Variants in STXBP5L observed in about 807,000 individuals in gnomAD.
STXBP5L encodes syntaxin-binding protein 5-like.
Under a neutral mutation model 144.5 loss-of-function variants are expected in STXBP5L, and 65 were observed. The ratio of observed to expected loss-of-function variants is 0.45; its 90% CI spans 0.37 to 0.55. STXBP5L has a LOEUF of 0.55. STXBP5L is among the 20% of genes least tolerant of loss of function. The probability of loss-of-function intolerance (pLI) is 0.00; values close to 1 mark genes in which losing one functional copy is unlikely to be tolerated. For missense variants in STXBP5L, 1,298 were observed against 1,405.5 expected (o/e 0.92, Z 1.22); for synonymous variants, 505 against 469.6 (o/e 1.08, Z -0.97).
At chr3:121,321,972 C>G (rs746928637) in intron 20 of STXBP5L, among the ~76,000 whole-genome samples, 2 of 152,136 alleles carry the variant, frequency 1.3e-5, no homozygotes, top group African/African-American at 2.4e-5. Context: ...GCATAGTACC[C>G]TACAGTTAGT....
At chr3:120,992,915 G>A (rs1005909032) in intron 3 of STXBP5L, among the ~76,000 whole-genome samples, 18 of 151,888 alleles carry the variant, frequency 1.2e-4, no homozygotes, top group African/African-American at 4.1e-4. Flanking sequence ...TTACACTGCC[G>A]CCACCCGTGT....
At chr3:121,258,813 C>A (rs2050292556) in intron 17 of STXBP5L, among the ~76,000 whole-genome samples, 1 of 151,772 alleles carries the variant, frequency 6.6e-6, no homozygotes, top group African/African-American at 2.4e-5. Flanking sequence ...ATGATAAAGG[C>A]CAGTTGAAGT....
At position 120,960,442 on chromosome 3, in the gene STXBP5L, A is replaced by G. The variant is rs148748912; in HGVS notation, c.287+5405A>G. On this transcript the variant is annotated intron_variant, in intron 3 of 26. Coordinates refer to ENST00000471454, the MANE Select transcript of STXBP5L (RefSeq NM_001308330.2). ...CGAAAGGAGTATAAATCATGCTGGT[A>G]TAAAAACACATGCACACGTATGTTT... is the stretch of plus-strand genomic sequence containing the variant. Among the ~76,000 whole-genome samples the G allele has an allele frequency of 6.0e-3, 916 of 152,334 alleles. 4 individuals carry two copies. The highest frequency in any genetic ancestry group is 0.024 in the Middle Eastern group (7 of 294).
At chr3:121,056,662 G>A (rs967139238) in intron 5 of STXBP5L, among the ~76,000 whole-genome samples, 2 of 152,114 alleles carry the variant, frequency 1.3e-5, no homozygotes, top group Non-Finnish European at 2.9e-5. Context: ...AGGTACAACA[G>A]TGTATGCAAT....
chr3:121,022,697 CAAAATCCAGCACCGCTTTATGATTA>C (rs1417358559), intron 3 of STXBP5L, among the ~76,000 whole-genome samples: 8 of 152,046 alleles, frequency 5.3e-5, no homozygotes, highest in African/African-American at 1.9e-4. Context: ...AGGCATTTGA[CAAAATCCAGCACCGCTTTATGATTA>C]AAACCCTCAG....
chr3:121,094,788 G>A (rs189778934), intron 5 of STXBP5L, among the ~76,000 whole-genome samples: 2 of 151,780 alleles, frequency 1.3e-5, no homozygotes, highest in Non-Finnish European at 2.9e-5. Context: ...AGTTAATATT[G>A]TTATGTGTGA....
At chr3:121,110,522 T>C (rs2043931984) in intron 5 of STXBP5L, among the ~76,000 whole-genome samples, 1 of 152,162 alleles carries the variant, frequency 6.6e-6, no homozygotes, top group African/African-American at 2.4e-5. Context: ...CTGGGTTGAG[T>C]ATTCTTTGCT....
At chr3:121,070,808 G>A (rs1438918132) in intron 5 of STXBP5L, among the ~76,000 whole-genome samples, 3 of 152,170 alleles carry the variant, frequency 2.0e-5, no homozygotes, top group African/African-American at 4.8e-5. Flanking sequence ...GGCCTTTTAT[G>A]CGAGTACGGG....
chr3:121,041,880 A>G (rs1423775510), intron 4 of STXBP5L, 99 bp downstream of exon 4: 4 of 743,566 alleles, frequency 5.4e-6, no homozygotes, highest in African/African-American at 3.5e-5. Context: ...AAATGCTTAA[A>G]TATATATGCA....
chr3:121,370,832 T>G (rs961388683), intron 20 of STXBP5L, among the ~76,000 whole-genome samples: 2 of 152,342 alleles, frequency 1.3e-5, no homozygotes, highest in East Asian at 3.9e-4. Context: ...ATGAAATTCT[T>G]GTAGAGTGTT....
In STXBP5L at chr3:121,381,592, A is replaced by G. The variant is rs551774336; in HGVS notation, c.2587+60A>G. On this transcript the variant is annotated intron_variant, in intron 22 of 26. Transcript: ENST00000471454. ...ACTTTTTCAAATTTAGATATAAGGT[A>G]TTATAAACATAAATTTGTATTGATT... The G allele has an allele frequency of 3.8e-6, 6 of 1,559,086 alleles. No homozygotes were observed. In the African/African-American group the frequency reaches 4.2e-5, roughly 11 times the overall value.
intron 3 of STXBP5L, among the ~76,000 whole-genome samples, chr3:120,977,642 A>T (rs1941229654): frequency 6.6e-6 from 1 of 152,098 alleles, no homozygotes; most frequent in Non-Finnish European, 1.5e-5. Flanking sequence ...CCTAGCTTCG[A>T]TGGTCTTTAC....
At chr3:120,937,965 T>C (rs1055030483) in intron 2 of STXBP5L, among the ~76,000 whole-genome samples, 1 of 152,114 alleles carries the variant, frequency 6.6e-6, no homozygotes, top group Non-Finnish European at 1.5e-5. Flanking sequence ...TGAGAAGTGT[T>C]TAGTGAGTGT....
Position 121,157,638 on chromosome 3 carries a change from T to A in STXBP5L, c.877+11T>A. 1 of 1,594,610 alleles carries A rather than the reference T, an allele frequency of 6.3e-7. No individual in the cohort carries two copies. On this transcript the variant is annotated intron_variant, in intron 9 of 26. Transcript: ENST00000471454. ...CCACAATTCCACATGGTAAGATGTATGCTTTCAAAAGGAATAAACACTGGC... is the reference window on the plus strand; with the variant it reads ...CCACAATTCCACATGGTAAGATGTAAGCTTTCAAAAGGAATAAACACTGGC...
intron 18 of STXBP5L, among the ~76,000 whole-genome samples, chr3:121,275,993 C>T (rs1225104669): frequency 1.3e-5 from 2 of 151,912 alleles, no homozygotes; most frequent in Non-Finnish European, 2.9e-5. Flanking sequence ...CAGTCATTTA[C>T]ATTAATATAC....
intron 2 of STXBP5L, among the ~76,000 whole-genome samples, chr3:120,951,494 G>T (rs998577059): frequency 1.3e-4 from 20 of 151,884 alleles, no homozygotes; most frequent in African/African-American, 4.8e-4. Flanking sequence ...AGTGGGCGAA[G>T]GACATGAACA....
chr3:121,020,136 G>A (rs924780200), intron 3 of STXBP5L, among the ~76,000 whole-genome samples: 1 of 152,072 alleles, frequency 6.6e-6, no homozygotes, highest in Non-Finnish European at 1.5e-5. Context: ...AAATGCACTG[G>A]AAAGGCTCGG....
chr3:121,261,603 T>A (rs73191458), intron 18 of STXBP5L, among the ~76,000 whole-genome samples: 5,404 of 152,314 alleles, frequency 0.035, 145 homozygotes, highest in Middle Eastern at 0.082. Flanking sequence ...TCAAAGTTTT[T>A]AAACATTTTA....
chr3:120,994,225 A>G (rs1292235336), intron 3 of STXBP5L, among the ~76,000 whole-genome samples: 1 of 151,930 alleles, frequency 6.6e-6, no homozygotes, highest in African/African-American at 2.4e-5. Flanking sequence ...ATATAAGATT[A>G]TTTCTGCAAA....
Sources: allele counts gnomAD v4.1 joint callset (sites outside exome capture counted in the v4.1 genomes callset), GRCh38; gene constraint gnomAD v4.1.1; transcripts MANE v1.5; gene names NCBI Gene and HGNC (gene_info 2026-07-23, HGNC 2026-07-21).